The following QSER1 variants were observed in gnomAD, a reference collection of about 807,000 sequenced individuals.
QSER1 encodes glutamine and serine rich 1.
In QSER1, 49 loss-of-function variants were observed where a neutral mutation model predicts 158.5. The observed-to-expected ratio is 0.31, with a 90% CI of 0.25 to 0.39. The LOEUF is 0.39. QSER1 is among the 10% of genes least tolerant of loss of function. The pLI is 1.00. For missense variants in QSER1, 1,754 were observed against 2,010.3 expected (o/e 0.87, Z 2.44); for synonymous variants, 650 against 715.5 (o/e 0.91, Z 1.46).
chr11:32,958,171 GT>G (rs1852557674), intron 8 of QSER1, 85 bp downstream of exon 8: 3 of 1,079,510 alleles, frequency 2.8e-6, no homozygotes, highest in Non-Finnish European at 4.1e-6. Context: ...AATTCAAAAT[GT>G]ATTTACTTTT....
At chr11:32,918,324 T>C (rs1336306630) in intron 1 of QSER1, among the ~76,000 whole-genome samples, 1 of 152,058 alleles carries the variant, frequency 6.6e-6, no homozygotes, top group Non-Finnish European at 1.5e-5. Flanking sequence ...ACATATAGTA[T>C]GTTGAGTGTT....
intron 1 of QSER1, among the ~76,000 whole-genome samples, chr11:32,912,571 G>T (rs1851780620): frequency 6.6e-6 from 1 of 151,882 alleles, no homozygotes; most frequent in Non-Finnish European, 1.5e-5. Flanking sequence ...TATATAGTTT[G>T]AAAAAACTAA....
At chr11:32,921,156 T>C (rs1357893544) in intron 1 of QSER1, among the ~76,000 whole-genome samples, 2 of 152,218 alleles carry the variant, frequency 1.3e-5, no homozygotes, top group Non-Finnish European at 2.9e-5. Flanking sequence ...AATGGAATAT[T>C]CAGCCCTAAA....
chr11:32,928,196 C>T, intron 3 of QSER1, 73 bp downstream of exon 3: 1 of 913,024 alleles, frequency 1.1e-6, no homozygotes. Context: ...ATGGCCTTGT[C>T]ATTGTGGCTG....
chr11:32,975,273 T>C lies in QSER1; in HGVS notation c.5384T>C (p.Ile1795Thr). 6.3e-7 allele frequency: 1 copy of C among 1,577,104 alleles called. No homozygotes were observed. Among genetic ancestry groups the C allele is most frequent in the Non-Finnish European group, 8.6e-7 (1 of 1,161,474 alleles). The change falls in exon 12 of 13, where the codon ATA becomes ACA. Residue 1795 changes from isoleucine (I) to threonine (T), a missense_variant. Around this residue, in one of 2 missense-constraint regions of QSER1, gnomAD observed 47 missense variants for 90.7 expected, o/e 0.52. Coordinates refer to ENST00000650167, the MANE Select transcript of QSER1 (RefSeq NM_001076786.3). ...GAGTTTGCTGTCGATCCAGAGAAAA[T>C]ACAGTTGTATTCTTTGTATCATTCA... Reference protein sequence around the residue: ...AQEFAVDPEKIQLYSLYHSLH... With the variant: ...AQEFAVDPEKTQLYSLYHSLH...
intron 5 of QSER1, among the ~76,000 whole-genome samples, chr11:32,954,453 A>G (rs1004377905): frequency 6.6e-6 from 1 of 152,200 alleles, no homozygotes; most frequent in South Asian, 2.1e-4. Flanking sequence ...ACTTTTTTCA[A>G]GGTTCCCAAT....
At chr11:32,908,700 G>A (rs1391016615) in intron 1 of QSER1, among the ~76,000 whole-genome samples, 1 of 152,108 alleles carries the variant, frequency 6.6e-6, no homozygotes, top group Non-Finnish European at 1.5e-5. Flanking sequence ...CCACTTTTTG[G>A]TTATTGCAAA....
chr11:32,954,968 T>C (rs1012631694), intron 5 of QSER1, among the ~76,000 whole-genome samples: 3 of 152,258 alleles, frequency 2.0e-5, no homozygotes, highest in African/African-American at 7.2e-5. Flanking sequence ...TTGTTTATGG[T>C]CTTTTAAGAT....
chr11:32,934,805 G>A lies in QSER1; in HGVS notation c.3547G>A (p.Ala1183Thr), dbSNP rs370628613. 3 of 1,613,918 alleles carry A rather than the reference G, an allele frequency of 1.9e-6. No homozygotes were observed. Among genetic ancestry groups the A allele is most frequent in the African/African-American group, 2.7e-5 (2 of 74,924 alleles). ...GTTGGCCATGGCCCAATCTGGGGAT[G>A]CAGTCAGTGTCAAGATTGAAGAAGA... is the stretch of plus-strand genomic sequence containing the variant. ...ALLAMAQSGD[A>T]VSVKIEEENQ... The change falls in exon 4 of 13, where the codon GCA becomes ACA. Residue 1183 changes from alanine to threonine, a missense_variant. Physicochemically the swap from Ala to Thr is moderately conservative, Grantham distance 58. This residue lies in a region of QSER1 where 1,707 missense variants were observed against 1,919.6 expected (regional missense o/e 0.89). Transcript: ENST00000650167.
intron 4 of QSER1, among the ~76,000 whole-genome samples, chr11:32,943,539 T>G (rs1383069960): frequency 1.4e-4 from 21 of 150,508 alleles, no homozygotes; most frequent in Middle Eastern, 3.5e-3. Flanking sequence ...ATTACATTTA[T>G]TGATTTGCGT....
chr11:32,911,365 G>A (rs1851763498), intron 1 of QSER1, among the ~76,000 whole-genome samples: 1 of 152,018 alleles, frequency 6.6e-6, no homozygotes, highest in African/African-American at 2.4e-5. Flanking sequence ...ATGTATACCT[G>A]TGTAACAAAC....
rs1445644146 is a variant in QSER1, at chr11:32,893,284, CTGCAGCAGT to C, written c.160_168del (p.Cys54_Ser56del). 1 of 153,734 alleles carries C rather than the reference CTGCAGCAGT, an allele frequency of 6.5e-6. No homozygotes were observed. The highest frequency in any genetic ancestry group is 3.1e-3 in the Middle Eastern group (1 of 318). The allele number at this position is 153,734 out of a possible 1,614,324, so 9.5% of individuals were successfully genotyped here. On this transcript the variant is annotated inframe_deletion, in exon 1 of 13. Coordinates refer to ENST00000650167, the MANE Select transcript of QSER1 (RefSeq NM_001076786.3). This position sits in a 1 kb window ranked among gnomAD's most constrained non-coding sequence, Gnocchi z 4.7. ...CCGCCGCCGCCGCCGCCAGCAGCAGCTGCAGCAGTGGCAGCTGCAGTAGCGGCAGCAGCC... is the reference window on the plus strand; with the variant it reads ...CCGCCGCCGCCGCCGCCAGCAGCAGCGGCAGCTGCAGTAGCGGCAGCAGCC...
rs372290683 is a variant in QSER1 at position 32,933,840 on chromosome 11, A to T, written c.2582A>T (p.Asp861Val). ...NTQVLLDSACDLQILQQSILQ... is the reference protein window; with the variant it reads ...NTQVLLDSACVLQILQQSILQ... Reference sequence around the variant, plus strand: ...CAGGTCCTTTTAGATTCTGCCTGTGATTTACAAATTCTTCAGCAGTCAATA... The same window carrying T: ...CAGGTCCTTTTAGATTCTGCCTGTGTTTTACAAATTCTTCAGCAGTCAATA... Residue 861 changes from aspartate (D) to valine (V), a missense_variant, in exon 4 of 13, where the codon GAT (aspartate) becomes GTT (valine). By Grantham distance (152) the Asp-to-Val change is radical. Transcript: ENST00000650167. 2 of 1,613,346 alleles carry T rather than the reference A, an allele frequency of 1.2e-6. No individual in the cohort carries two copies. Among genetic ancestry groups the T allele is most frequent in the African/African-American group, 2.7e-5 (2 of 74,884 alleles).
chr11:32,962,734 A>C (rs563525215), intron 8 of QSER1, among the ~76,000 whole-genome samples: 1 of 152,342 alleles, frequency 6.6e-6, no homozygotes, highest in African/African-American at 2.4e-5. Context: ...CAAATTGGGA[A>C]GCTCAGACTC....
At chr11:32,956,269 T>G (rs899442490) in intron 7 of QSER1, 148 bp downstream of exon 7, 1 of 684,412 alleles carries the variant, frequency 1.5e-6, no homozygotes, top group Non-Finnish European at 2.4e-6. Flanking sequence ...TAAGTGATTC[T>G]TTTGAAGGCA....
intron 4 of QSER1, among the ~76,000 whole-genome samples, chr11:32,940,588 A>G (rs991988879): frequency 6.6e-6 from 1 of 152,164 alleles, no homozygotes; most frequent in African/African-American, 2.4e-5. Flanking sequence ...GGGATTTGAT[A>G]AAACTTTCTA....
At chr11:32,952,696 C>T (rs1852443059) in intron 4 of QSER1, among the ~76,000 whole-genome samples, 2 of 149,076 alleles carry the variant, frequency 1.3e-5, no homozygotes, top group African/African-American at 4.9e-5. Context: ...TAGAATTATC[C>T]AGTGAAGCCA....
At chr11:32,958,288 T>C (rs1852559814) in intron 8 of QSER1, among the ~76,000 whole-genome samples, 1 of 152,146 alleles carries the variant, frequency 6.6e-6, no homozygotes, top group Non-Finnish European at 1.5e-5. Flanking sequence ...CATGCAGCCT[T>C]GTAAATAGAA....
chr11:32,961,943 A>C (rs1465809125), intron 8 of QSER1, among the ~76,000 whole-genome samples: 1 of 152,220 alleles, frequency 6.6e-6, no homozygotes, highest in African/African-American at 2.4e-5. Context: ...GGTGTAATGA[A>C]CATTGGCATA....
Sources: gnomAD v4.1 joint callset for allele counts (sites outside exome capture counted in the v4.1 genomes callset) on GRCh38, gnomAD v4.1.1 for gene constraint, gnomAD v4.1.1 regional missense constraint, Gnocchi (gnomAD v3.1) non-coding constraint, MANE v1.5 for transcripts, NCBI Gene and HGNC (gene_info 2026-07-23, HGNC 2026-07-21) for gene names.